WDR20: variants seen among roughly 807,000 people sequenced by gnomAD.
The protein encoded by WDR20 is WD repeat-containing protein 20.
A neutral mutation model predicts 38.7 loss-of-function variants in WDR20; 3 were observed. That is an observed-to-expected ratio of 0.08 (90% CI 0.04 to 0.20). WDR20 has a LOEUF of 0.20. Ranked by LOEUF, WDR20 falls within the 10% of genes least tolerant of loss-of-function variation. The pLI is 1.00. For missense variants in WDR20, 559 were observed against 727.7 expected (o/e 0.77, Z 2.67); for synonymous variants, 298 against 285.6 (o/e 1.04, Z -0.44).
At chr14:102,156,260 C>T (rs867214890) in intron 1 of WDR20, among the ~76,000 whole-genome samples, 4 of 151,736 alleles carry the variant, frequency 2.6e-5, no homozygotes, top group Non-Finnish European at 5.9e-5. Flanking sequence ...CTCCACCTCC[C>T]GGGTTCACGC....
chr14:102,190,698 G>C (rs1048153381), intron 1 of WDR20, among the ~76,000 whole-genome samples: 5 of 151,230 alleles, frequency 3.3e-5, no homozygotes, highest in Admixed American at 2.0e-4. Flanking sequence ...ACATTGACTT[G>C]ATAGAAATTA....
intron 1 of WDR20, among the ~76,000 whole-genome samples, chr14:102,159,360 C>T (rs1247135461): frequency 6.6e-6 from 1 of 152,134 alleles, no homozygotes; most frequent in Admixed American, 6.5e-5. Flanking sequence ...AAGTGTGATC[C>T]ACAGAGCTAC....
Position 102,208,648 on chromosome 14 carries a change from G to A in WDR20, c.478G>A (p.Gly160Ser), listed in dbSNP as rs144037992. The A allele has an allele frequency of 2.8e-5, 45 of 1,612,260 alleles. No homozygotes were observed. The highest frequency in any genetic ancestry group is 1.2e-4 in the African/African-American group (9 of 74,866). ...SRVTCVKWVPGSESLFLVAHS... is the reference protein window; with the variant it reads ...SRVTCVKWVPSSESLFLVAHS... ...AGTTACCTGTGTCAAATGGGTTCCCGGTTCGGAAAGCCTTTTCCTAGTAGC... is the reference window on the plus strand; with the variant it reads ...AGTTACCTGTGTCAAATGGGTTCCCAGTTCGGAAAGCCTTTTCCTAGTAGC... The change falls in exon 3 of 3, where the codon GGT (glycine) becomes AGT (serine). Residue 160 changes from glycine to serine, a missense_variant. Gly to Ser is a moderately conservative substitution (Grantham distance 56). Transcript: ENST00000342702. This position sits in a 1 kb window ranked among gnomAD's most constrained non-coding sequence, Gnocchi z 5.6.
upstream of WDR20, chr14:102,139,798 T>C: frequency 7.0e-7 from 1 of 1,418,940 alleles, no homozygotes; most frequent in Non-Finnish European, 9.6e-7. Context: ...CTCGCAGGGC[T>C]GGCCCGCGGG....
intron 1 of WDR20, among the ~76,000 whole-genome samples, chr14:102,191,024 T>G (rs2066248342): frequency 6.7e-6 from 1 of 149,234 alleles, no homozygotes; most frequent in Non-Finnish European, 1.5e-5. Context: ...AAGAAAAAAA[T>G]TAGGAGACAT....
chr14:102,143,529 A>G (rs147482972), intron 1 of WDR20, among the ~76,000 whole-genome samples: 1,821 of 151,840 alleles, frequency 0.012, 16 homozygotes, highest in Middle Eastern at 0.041. Flanking sequence ...AAGACTTTCA[A>G]CTACTAGCTT....
chr14:102,215,713 G>T (rs1258306204), downstream of WDR20, among the ~76,000 whole-genome samples: 10 of 152,140 alleles, frequency 6.6e-5, 1 homozygote, highest in Non-Finnish European at 2.9e-5. Context: ...TTTGCTTAAG[G>T]CTTTGTGCTG....
At chr14:102,140,974 T>G (rs1273837048) in intron 1 of WDR20, among the ~76,000 whole-genome samples, 2 of 152,208 alleles carry the variant, frequency 1.3e-5, no homozygotes, top group African/African-American at 4.8e-5. Context: ...AGTGATATGC[T>G]TTAAAAGCTG....
At chr14:102,219,376 C>T (rs1597151230), downstream of WDR20, among the ~76,000 whole-genome samples, 1 of 152,244 alleles carries the variant, frequency 6.6e-6, no homozygotes, top group Non-Finnish European at 1.5e-5. Flanking sequence ...GGCGCCGAGG[C>T]CCCTTCCCTG....
chr14:102,224,449 C>T (rs2064162556), downstream of WDR20: 2 of 391,974 alleles, frequency 5.1e-6, no homozygotes, highest in African/African-American at 2.1e-5. Flanking sequence ...TGTGCAGCTA[C>T]CAAGCAGAAG....
At chr14:102,173,259 T>A (rs1450036575) in intron 1 of WDR20, among the ~76,000 whole-genome samples, 1 of 151,014 alleles carries the variant, frequency 6.6e-6, no homozygotes, top group Non-Finnish European at 1.5e-5. Flanking sequence ...ACTACAGGCT[T>A]GTGCCACCAT....
chr14:102,215,568 A>G (rs1364928636), downstream of WDR20, among the ~76,000 whole-genome samples: 2 of 152,150 alleles, frequency 1.3e-5, no homozygotes, highest in African/African-American at 2.4e-5. Context: ...CCCGTCATCT[A>G]TGTTTTAAGC....
Position 102,210,496 on chromosome 14 carries a change from A to G in WDR20, c.*616A>G, listed in dbSNP as rs1403892377. ...CATTTTAGTCATTTTATGACAATTA[A>G]AGTTGTTTAATAAACATCTTTTTTC... On this transcript the variant is annotated 3_prime_UTR_variant, in exon 3 of 3. Coordinates refer to ENST00000342702, the MANE Select transcript of WDR20 (RefSeq NM_144574.4). The G allele has an allele frequency of 2.0e-6, 2 of 985,290 alleles. No individual in the cohort carries two copies. The highest frequency in any genetic ancestry group is 2.4e-6 in the Non-Finnish European group (2 of 829,900). The allele number at this position is 985,290 out of a possible 1,614,324, so 61.0% of individuals were successfully genotyped here.
intron 1 of WDR20, among the ~76,000 whole-genome samples, chr14:102,188,423 C>T (rs1443231756): frequency 6.6e-6 from 1 of 152,152 alleles, no homozygotes; most frequent in Admixed American, 6.5e-5. Flanking sequence ...AGTGGGCAGG[C>T]AGGGCTATGG....
chr14:102,179,168 C>A (rs1275004990), intron 1 of WDR20, among the ~76,000 whole-genome samples: 1 of 151,956 alleles, frequency 6.6e-6, no homozygotes, highest in Non-Finnish European at 1.5e-5. Context: ...TATACTTAAC[C>A]CACCCAATAA....
At chr14:102,213,223 T>C, downstream of WDR20, 1 of 985,480 alleles carries the variant, frequency 1.0e-6, no homozygotes, top group Non-Finnish European at 1.2e-6. Context: ...GAGGCTTTTT[T>C]CTTATTCAGA....
At position 102,152,416 on chromosome 14, in the gene WDR20, C is replaced by G. The variant is rs1057438279; in HGVS notation, c.249+12244C>G. On this transcript the variant is annotated intron_variant, in intron 1 of 2. Transcript: ENST00000342702. ...ATTGTGCTAACAGATTATGCAGGGTCTCTCTTTTTTTTTTTTTGAGACAGA... is the reference window on the plus strand; with the variant it reads ...ATTGTGCTAACAGATTATGCAGGGTGTCTCTTTTTTTTTTTTTGAGACAGA... 1.1e-4 allele frequency among the ~76,000 whole-genome samples: 9 copies of G among 78,456 alleles called. No individual in the cohort carries two copies. The East Asian group carries it at 7.1e-3, about 61-fold the overall frequency. 51.5% of individuals were successfully genotyped at this position (78,456 alleles called of 152,430 possible). A position where few individuals can be genotyped will look rare whatever the true frequency, so the allele number is the denominator to read the frequency against.
At chr14:102,170,665 T>A (rs2060618297) in intron 1 of WDR20, among the ~76,000 whole-genome samples, 1 of 151,958 alleles carries the variant, frequency 6.6e-6, no homozygotes, top group Non-Finnish European at 1.5e-5. Context: ...TCTTTTATGA[T>A]TATTTATTTT....
At chr14:102,153,146 T>A (rs1187494766) in intron 1 of WDR20, among the ~76,000 whole-genome samples, 2 of 152,100 alleles carry the variant, frequency 1.3e-5, no homozygotes, top group Non-Finnish European at 2.9e-5. Context: ...TGGCACTTCC[T>A]TGTCTCCCTC....
Sources: allele counts gnomAD v4.1 joint callset (sites outside exome capture counted in the v4.1 genomes callset), GRCh38; gene constraint gnomAD v4.1.1; non-coding constraint Gnocchi (gnomAD v3.1); transcripts MANE v1.5; gene names NCBI Gene and HGNC (gene_info 2026-07-23, HGNC 2026-07-21).